ADGRG7: variants seen among roughly 807,000 people sequenced by gnomAD.
ADGRG7 encodes the protein adhesion G protein-coupled receptor G7.
Under a neutral mutation model 88.6 loss-of-function variants are expected in ADGRG7, and 82 were observed. The ratio of observed to expected loss-of-function variants is 0.93; its 90% CI spans 0.77 to 1.11. ADGRG7 has a LOEUF of 1.11. Ranked by LOEUF, ADGRG7 falls within the 50% of genes most tolerant of loss-of-function variation. The probability of loss-of-function intolerance (pLI) is 0.00; values close to 1 mark genes in which losing one functional copy is unlikely to be tolerated. For synonymous variants in ADGRG7, 381 were observed against 345.2 expected (o/e 1.10, Z -1.15); for missense variants, 945 against 953.4 (o/e 0.99, Z 0.12).
At chr3:100,613,816 A>G (rs1270391616) in intron 1 of ADGRG7, among the ~76,000 whole-genome samples, 4 of 152,166 alleles carry the variant, frequency 2.6e-5, no homozygotes, top group Non-Finnish European at 1.5e-5. Flanking sequence ...AACATGGAAT[A>G]TAGTGGTTAA....
intron 15 of ADGRG7, among the ~76,000 whole-genome samples, chr3:100,682,988 C>A (rs1182064041): frequency 6.6e-6 from 1 of 152,098 alleles, no homozygotes; most frequent in African/African-American, 2.4e-5. Context: ...GTGGTGAAGC[C>A]CCACCTTAAA....
Position 100,654,736 on chromosome 3 carries a change from G to A in ADGRG7, c.1380-99G>A, listed in dbSNP as rs183170517. The A allele has an allele frequency of 2.7e-4, 190 of 706,940 alleles. 1 individual carries two copies. The highest frequency in any genetic ancestry group is 1.8e-3 in the African/African-American group (98 of 55,584). 43.8% of individuals were successfully genotyped at this position (706,940 alleles called of 1,614,324 possible). A position where few individuals can be genotyped will look rare whatever the true frequency, so the allele number is the denominator to read the frequency against. On this transcript the variant is annotated intron_variant, in intron 11 of 15. Transcript: ENST00000273352. ...TGGGCTATGAACTGAACTTACATTG[G>A]GCAATAATATTCTTTGTTCCCAGAA...
Position 100,652,576 on chromosome 3 carries a change from G to T in ADGRG7, c.1380-2259G>T, listed in dbSNP as rs116760568. Among the ~76,000 whole-genome samples, 618 of 152,208 alleles carry T rather than the reference G, an allele frequency of 4.1e-3. 5 individuals carry two copies. The highest frequency in any genetic ancestry group is 0.014 in the African/African-American group (595 of 41,520). On this transcript the variant is annotated intron_variant, in intron 11 of 15. Transcript: ENST00000273352. ...GTAACATGCCTTTAAGGGGATATAAGGATATATCTGCCTTTAAGCAATAAG... is the reference window on the plus strand; with the variant it reads ...GTAACATGCCTTTAAGGGGATATAATGATATATCTGCCTTTAAGCAATAAG...
chr3:100,627,317 C>T (rs932550587), intron 1 of ADGRG7, among the ~76,000 whole-genome samples: 2 of 152,106 alleles, frequency 1.3e-5, no homozygotes, highest in Non-Finnish European at 2.9e-5. Flanking sequence ...TTGAGATGAT[C>T]GTGAAGTTTA....
intron 15 of ADGRG7, among the ~76,000 whole-genome samples, chr3:100,688,994 A>G (rs536652442): frequency 3.3e-5 from 5 of 152,228 alleles, no homozygotes; most frequent in Admixed American, 1.3e-4. Flanking sequence ...ATCTCCCGTT[A>G]TTATTGTGTG....
intron 14 of ADGRG7, among the ~76,000 whole-genome samples, chr3:100,666,558 C>A (rs919026825): frequency 5.9e-5 from 9 of 152,084 alleles, no homozygotes; most frequent in South Asian, 4.2e-4. Context: ...AGTAGATGGA[C>A]CGTACAATCG....
At chr3:100,650,640 C>T (rs1461483341) in intron 11 of ADGRG7, among the ~76,000 whole-genome samples, 1 of 152,110 alleles carries the variant, frequency 6.6e-6, no homozygotes, top group African/African-American at 2.4e-5. Flanking sequence ...ACAAGAAGTG[C>T]GTATCAGTAT....
chr3:100,617,637 C>G (rs1707244725), intron 1 of ADGRG7, among the ~76,000 whole-genome samples: 1 of 152,066 alleles, frequency 6.6e-6, no homozygotes, highest in Non-Finnish European at 1.5e-5. Flanking sequence ...GGGTTGGTTC[C>G]AAGTCTTTGC....
In ADGRG7 at chr3:100,630,709, T is replaced by C. The variant is rs779330429; in HGVS notation, c.234T>C (p.Asn78=). 5 of 1,383,158 alleles carry C rather than the reference T, an allele frequency of 3.6e-6. No homozygotes were observed. The highest frequency in any genetic ancestry group is 5.6e-5 in the Admixed American group (2 of 35,930). The allele number at this position is 1,383,158 out of a possible 1,614,324, so 85.7% of individuals were successfully genotyped here. A position where few individuals can be genotyped will look rare whatever the true frequency, so the allele number is the denominator to read the frequency against. The part of the protein sequence containing the change: ...EWKGLRCTIA[N]FCENSTYMGF... The stretch of plus-strand genomic sequence containing the variant: ...AACTTTTTCTCTTTATTACAGCTAA[T>C]TTTTGTGAAAATAGTACCTATATGG... Residue 78 remains asparagine (N), a synonymous_variant, in exon 3 of 16, where the codon AAT becomes AAC. Coordinates refer to ENST00000273352, the MANE Select transcript of ADGRG7 (RefSeq NM_032787.3).
In ADGRG7 at chr3:100,635,842, C is replaced by CT; in HGVS notation, c.597+19dup. ...TTCACCTGAGGTAAAACTCACAGAG[C>CT]TTTAAAAAAAATTTTTTTTTTATTT... On this transcript the variant is annotated intron_variant, in intron 5 of 15. Coordinates refer to ENST00000273352, the MANE Select transcript of ADGRG7 (RefSeq NM_032787.3). 6.3e-7 allele frequency: 1 copy of CT among 1,586,938 alleles called. No individual in the cohort carries two copies. The highest frequency in any genetic ancestry group is 8.5e-7 in the Non-Finnish European group (1 of 1,170,334).
rs774534669 is a variant in ADGRG7 at position 100,633,334 on chromosome 3, C to A, written c.404C>A (p.Thr135Lys). 6.3e-7 allele frequency: 1 copy of A among 1,589,494 alleles called. No homozygotes were observed. The highest frequency in any genetic ancestry group is 1.1e-5 in the South Asian group (1 of 87,640). The change falls in exon 4 of 16, where the codon ACA (threonine) becomes AAA (lysine). Residue 135 changes from threonine (T) to lysine (K), a missense_variant. By Grantham distance (78) the Thr-to-Lys change is moderately conservative (BLOSUM62 -1). Coordinates refer to ENST00000273352, the MANE Select transcript of ADGRG7 (RefSeq NM_032787.3). ...LYGEIELQKVTIGNCNENLET... is the reference protein window; with the variant it reads ...LYGEIELQKVKIGNCNENLET... The stretch of plus-strand genomic sequence containing the variant: ...GGAGAGATAGAATTACAAAAAGTGA[C>A]AATAGGAAATTGCAATGAAAATCTG...
chr3:100,611,248 C>CT (rs1707145155), intron 1 of ADGRG7, among the ~76,000 whole-genome samples: 1 of 95,996 alleles, frequency 1.0e-5, no homozygotes, highest in Non-Finnish European at 2.0e-5. Flanking sequence ...TTTGTTTTTC[C>CT]TTCCTTCCTT....
chr3:100,689,923 C>A (rs1003141042), intron 15 of ADGRG7, among the ~76,000 whole-genome samples: 1 of 152,110 alleles, frequency 6.6e-6, no homozygotes, highest in South Asian at 2.1e-4. Flanking sequence ...TGTTGGCCTG[C>A]CTTGCTAGAT....
rs778527757 is a variant in ADGRG7 at position 100,656,006 on chromosome 3, AT to A, written c.1823+18del. ...CCGGCAAGAGAAAATGTGAGTTTAT[AT>A]TTTTTTAAATGTCCAATTGTTTGAC... On this transcript the variant is annotated intron_variant, in intron 13 of 15. Transcript: ENST00000273352. 7 of 1,515,424 alleles carry A rather than the reference AT, an allele frequency of 4.6e-6. No homozygotes were observed. The highest frequency in any genetic ancestry group is 2.3e-5 in the South Asian group (2 of 88,850). The allele number at this position is 1,515,424 out of a possible 1,614,324, so 93.9% of individuals were successfully genotyped here.
At chr3:100,615,681 A>C (rs2317284) in intron 1 of ADGRG7, among the ~76,000 whole-genome samples, 2 of 152,066 alleles carry the variant, frequency 1.3e-5, no homozygotes, top group Non-Finnish European at 2.9e-5. Flanking sequence ...CTTCTTGTTT[A>C]CAAACATAGA....
At chr3:100,654,614 A>G (rs943917982) in intron 11 of ADGRG7, 25 of 440,804 alleles carry the variant, frequency 5.7e-5, no homozygotes, top group Non-Finnish European at 7.6e-5. Flanking sequence ...AAGATATGTC[A>G]ACCTGTATCC....
intron 3 of ADGRG7, among the ~76,000 whole-genome samples, chr3:100,631,643 T>C (rs555960515): frequency 6.6e-6 from 1 of 152,184 alleles, no homozygotes; most frequent in African/African-American, 2.4e-5. Flanking sequence ...TTGACAAAGA[T>C]GTTTGATAAA....
intron 3 of ADGRG7, 21 bp downstream of exon 3, chr3:100,630,830 T>G: frequency 7.8e-7 from 1 of 1,289,376 alleles, no homozygotes; most frequent in Non-Finnish European, 1.1e-6. Context: ...TCCCAAACAT[T>G]TACTCTATGC....
chr3:100,672,128 T>A (rs897128183), intron 15 of ADGRG7, among the ~76,000 whole-genome samples: 1 of 152,220 alleles, frequency 6.6e-6, no homozygotes, highest in South Asian at 2.1e-4. Context: ...TAGTATTGAA[T>A]CTATAAATTA....
Sources: gnomAD v4.1 joint callset for allele counts (sites outside exome capture counted in the v4.1 genomes callset) on GRCh38, gnomAD v4.1.1 for gene constraint, MANE v1.5 for transcripts, NCBI Gene and HGNC (gene_info 2026-07-23, HGNC 2026-07-21) for gene names.